NOM1: variants seen among roughly 807,000 people sequenced by gnomAD.
NOM1 encodes nucleolar MIF4G domain-containing protein 1.
A neutral mutation model predicts 73.3 loss-of-function variants in NOM1; 58 were observed. That is an observed-to-expected ratio of 0.79 (90% CI 0.64 to 0.99). NOM1 has a LOEUF of 0.99. Ranked by LOEUF, NOM1 falls within the 50% of genes least tolerant of loss-of-function variation. The pLI, the probability that NOM1 is intolerant of heterozygous loss-of-function variation, is 0.00. For missense variants in NOM1, 1,226 were observed against 1,131.9 expected, an observed-to-expected ratio of 1.08 and a Z score of -1.19; for synonymous variants, 487 against 446.8, an observed-to-expected ratio of 1.09 and a Z score of -1.14.
chr7:156,966,496 T>G (rs1039242673), intron 8 of NOM1, 94 bp downstream of exon 8: 15 of 1,444,802 alleles, frequency 1.0e-5, no homozygotes, highest in Middle Eastern at 1.8e-4. Flanking sequence ...GTTCCCCAAG[T>G]CAGGAGGCCC....
Position 156,970,708 on chromosome 7 carries a change from T to A in NOM1, c.*1005T>A, listed in dbSNP as rs1398526334. ...CTTGAGCCACCACGCCCAGCTTAAA[T>A]GTGATTCTTGATACTGTTTTAAGTA... On this transcript the variant is annotated 3_prime_UTR_variant, in exon 11 of 11. Transcript: ENST00000275820. 6.6e-6 allele frequency: 1 copy of A among 152,256 alleles called. No homozygotes were observed. Among genetic ancestry groups the A allele is most frequent in the African/African-American group, 2.4e-5 (1 of 41,468 alleles). The allele number at this position is 152,256 out of a possible 1,614,324, so 9.4% of individuals were successfully genotyped here. A position where few individuals can be genotyped will look rare whatever the true frequency, so the allele number is the denominator to read the frequency against.
chr7:156,950,839 G>A, intron 1 of NOM1, 115 bp downstream of exon 1: 1 of 884,654 alleles, frequency 1.1e-6, no homozygotes, highest in Middle Eastern at 2.9e-4. Flanking sequence ...GGTTTCAGCT[G>A]AATGTGAGTA....
chr7:156,957,818 T>C (rs1804766278), intron 3 of NOM1, among the ~76,000 whole-genome samples: 1 of 147,756 alleles, frequency 6.8e-6, no homozygotes, highest in Admixed American at 6.8e-5. Context: ...AAAATATACA[T>C]GAATATGTTT....
Position 156,950,166 on chromosome 7 carries a change from G to A in NOM1, c.429G>A (p.Lys143=). Residue 143 remains lysine, a synonymous_variant, in exon 1 of 11, where the codon AAG becomes AAA. Coordinates refer to ENST00000275820, the MANE Select transcript of NOM1 (RefSeq NM_138400.2). ...APSRDPSPPR[K]PRPSRVKAKA... is the part of the protein sequence containing the mutation. Reference sequence around the variant, plus strand: ...GTCGGGACCCCTCGCCTCCCAGGAAGCCGCGGCCGTCCCGGGTCAAGGCCA... The same window carrying A: ...GTCGGGACCCCTCGCCTCCCAGGAAACCGCGGCCGTCCCGGGTCAAGGCCA... 6.3e-7 allele frequency: 1 copy of A among 1,597,886 alleles called. No individual in the cohort carries two copies. The highest frequency in any genetic ancestry group is 1.3e-5 in the African/African-American group (1 of 74,692).
chr7:156,969,435 A>C (rs1483934925), intron 10 of NOM1, 94 bp from the exon 11 acceptor site: 2 of 1,075,714 alleles, frequency 1.9e-6, no homozygotes, highest in Non-Finnish European at 2.7e-6. Flanking sequence ...TTTTTAAAAG[A>C]AACTGGTTAT....
At position 156,950,197 on chromosome 7, in the gene NOM1, A is replaced by G. The variant is rs776940972; in HGVS notation, c.460A>G (p.Thr154Ala). The G allele has an allele frequency of 6.2e-7, 1 of 1,609,290 alleles. No individual in the cohort carries two copies. Among genetic ancestry groups the G allele is most frequent in the Admixed American group, 1.7e-5 (1 of 59,786 alleles). The change falls in exon 1 of 11, where the codon ACG becomes GCG. Residue 154 changes from threonine to alanine, a missense_variant. Thr to Ala is a moderately conservative substitution (Grantham distance 58). Transcript: ENST00000275820. ...GCCGTCCCGGGTCAAGGCCAAGGCC[A>G]CGGCCGCCACCGCAAAGACCAGACC... ...PRPSRVKAKA[T>A]AATAKTRPSA... is the part of the protein sequence containing the mutation.
At chr7:156,966,092 C>A in intron 7 of NOM1, 178 bp from the exon 8 acceptor site, 1 of 692,196 alleles carries the variant, frequency 1.4e-6, no homozygotes, top group Non-Finnish European at 2.4e-6. Context: ...AACCTGAGGA[C>A]CAGAGAGGTT....
In NOM1 at chr7:156,966,360, T is replaced by C. The variant is rs774649566; in HGVS notation, c.2124T>C (p.Ala708=). The C allele has an allele frequency of 9.9e-6, 16 of 1,614,232 alleles. No homozygotes were observed. Among genetic ancestry groups the C allele is most frequent in the Non-Finnish European group, 1.4e-5 (16 of 1,180,034 alleles). ...LQEKTYNPFY[A]FLASKFCEYE... ...AGAAAACTTACAATCCCTTCTATGC[T>C]TTCCTGGCTAGCAAATTCTGTGAAT... is the stretch of plus-strand genomic sequence containing the variant. Residue 708 remains alanine (A), a synonymous_variant, in exon 8 of 11, where the codon GCT becomes GCC. Transcript: ENST00000275820.
In NOM1 at chr7:156,969,110, C is replaced by T; in HGVS notation, c.2322C>T (p.Asp774=). 6.3e-7 allele frequency: 1 copy of T among 1,589,246 alleles called. No individual in the cohort carries two copies. The highest frequency in any genetic ancestry group is 1.1e-5 in the South Asian group (1 of 90,610). Residue 774 remains aspartate (D), a synonymous_variant, in exon 10 of 11, where the codon GAC becomes GAT. Coordinates refer to ENST00000275820, the MANE Select transcript of NOM1 (RefSeq NM_138400.2). ...ILKVVEFSEL[D]KPRVRFLRKV... is the part of the protein sequence containing the mutation. ...AGGTAGTTGAATTCAGTGAATTGGA[C>T]AAACCCAGAGTCCGTTTTTTACGAA...
rs1341106322 is a variant in NOM1, at chr7:156,970,817, G to A, written c.*1114G>A. 1 of 152,244 alleles carries A rather than the reference G, an allele frequency of 6.6e-6. No individual in the cohort carries two copies. Among genetic ancestry groups the A allele is most frequent in the East Asian group, 1.9e-4 (1 of 5,204 alleles). 9.4% of individuals were successfully genotyped at this position (152,244 alleles called of 1,614,324 possible). On this transcript the variant is annotated 3_prime_UTR_variant, in exon 11 of 11. Transcript: ENST00000275820. ...TATGTACACTGTAATGCAGACAGGTGCTTTTCATCATTCATGTAACATTCT... is the reference window on the plus strand; with the variant it reads ...TATGTACACTGTAATGCAGACAGGTACTTTTCATCATTCATGTAACATTCT...
intron 9 of NOM1, among the ~76,000 whole-genome samples, chr7:156,967,580 G>A (rs192991112): frequency 2.2e-4 from 33 of 152,274 alleles, no homozygotes; most frequent in Middle Eastern, 3.4e-3. Context: ...CACCCAGGCT[G>A]GAGTGCAGTG....
At chr7:156,953,376 C>A (rs1345431983) in intron 2 of NOM1, among the ~76,000 whole-genome samples, 1 of 152,144 alleles carries the variant, frequency 6.6e-6, no homozygotes, top group East Asian at 1.9e-4. Flanking sequence ...GATCCGCCCG[C>A]CTCAGCCTCC....
chr7:156,953,380 A>C (rs55652011), intron 2 of NOM1, among the ~76,000 whole-genome samples: 1 of 151,940 alleles, frequency 6.6e-6, no homozygotes, highest in Non-Finnish European at 1.5e-5. Context: ...CGCCCGCCTC[A>C]GCCTCCGAAA....
chr7:156,949,890 G>T lies in NOM1; in HGVS notation c.153G>T (p.Glu51Asp), dbSNP rs1175378754. The change falls in exon 1 of 11, where the codon GAG (glutamate) becomes GAT (aspartate). Residue 51 changes from glutamate (E) to aspartate (D), a missense_variant. Physicochemically the swap from Glu to Asp is conservative, Grantham distance 45 (BLOSUM62 2). Transcript: ENST00000275820. ...ALKRLKLAVEEFVHATSEGEA... is the reference protein window; with the variant it reads ...ALKRLKLAVEDFVHATSEGEA... Reference sequence around the variant, plus strand: ...AGAGGCTGAAGCTAGCGGTGGAGGAGTTCGTGCACGCGACTTCGGAAGGCG... The same window carrying T: ...AGAGGCTGAAGCTAGCGGTGGAGGATTTCGTGCACGCGACTTCGGAAGGCG... 1.3e-6 allele frequency: 2 copies of T among 1,537,176 alleles called. No homozygotes were observed. The highest frequency in any genetic ancestry group is 1.8e-6 in the Non-Finnish European group (2 of 1,142,034).
chr7:156,961,987 C>T (rs558283433), intron 4 of NOM1, among the ~76,000 whole-genome samples, 164 bp from the exon 5 acceptor site: 3 of 152,184 alleles, frequency 2.0e-5, no homozygotes, highest in East Asian at 3.9e-4. Context: ...CCTGAGTAAG[C>T]GGCTGAGACT....
intron 1 of NOM1, 114 bp downstream of exon 1, chr7:156,950,838 T>C (rs139544669): frequency 2.0e-5 from 18 of 879,384 alleles, no homozygotes; most frequent in African/African-American, 2.0e-4. Context: ...TGGTTTCAGC[T>C]GAATGTGAGT....
intron 2 of NOM1, 92 bp downstream of exon 2, chr7:156,952,690 A>C: frequency 2.9e-6 from 4 of 1,362,380 alleles, no homozygotes; most frequent in Non-Finnish European, 3.1e-6. Flanking sequence ...AATAGAAGTG[A>C]TGGGGACAGT....
At chr7:156,960,621 A>G (rs1206313505) in intron 4 of NOM1, among the ~76,000 whole-genome samples, 1 of 152,178 alleles carries the variant, frequency 6.6e-6, no homozygotes, top group Non-Finnish European at 1.5e-5. Flanking sequence ...GAAGAACCCG[A>G]AAAGGGTTAG....
chr7:156,964,248 A>C (rs1379786851), intron 7 of NOM1: 1 of 294,494 alleles, frequency 3.4e-6, no homozygotes, highest in East Asian at 6.0e-5. Flanking sequence ...ACATTTTATG[A>C]TATATAAAGA....
Sources: gnomAD v4.1 joint callset for allele counts (sites outside exome capture counted in the v4.1 genomes callset) on GRCh38, gnomAD v4.1.1 for gene constraint, MANE v1.5 for transcripts, NCBI Gene and HGNC (gene_info 2026-07-23, HGNC 2026-07-21) for gene names.